The following CLSTN2 variants were observed in gnomAD, a reference collection of about 807,000 sequenced individuals.
CLSTN2 encodes calsyntenin-2.
A neutral mutation model predicts 101.2 loss-of-function variants in CLSTN2; 48 were observed. The observed-to-expected ratio is 0.47, with a 90% CI of 0.38 to 0.60. CLSTN2 has a LOEUF of 0.60. Among genes scored for constraint, CLSTN2 ranks in the 20% least tolerant of loss-of-function variants. The probability of loss-of-function intolerance (pLI) is 0.00; values close to 1 mark genes in which losing one functional copy is unlikely to be tolerated. For synonymous variants in CLSTN2, 481 were observed against 463.6 expected (o/e 1.04, Z -0.48); for missense variants, 1,160 against 1,238.2 (o/e 0.94, Z 0.95).
intron 2 of CLSTN2, among the ~76,000 whole-genome samples, chr3:140,286,600 C>T (rs1455900362): frequency 6.6e-6 from 1 of 152,228 alleles, no homozygotes; most frequent in East Asian, 1.9e-4. Flanking sequence ...TGCCTCCCTC[C>T]TCAGCCTTGG....
At chr3:140,180,763 ACT>A (rs2010396130) in intron 2 of CLSTN2, among the ~76,000 whole-genome samples, 3 of 151,898 alleles carry the variant, frequency 2.0e-5, no homozygotes, top group Admixed American at 1.3e-4. Context: ...AAGCTGGGTG[ACT>A]CTCTGAGGGC....
intron 2 of CLSTN2, among the ~76,000 whole-genome samples, chr3:140,274,686 C>T (rs1293573004): frequency 1.3e-5 from 2 of 152,034 alleles, no homozygotes; most frequent in Non-Finnish European, 2.9e-5. Context: ...TATCTCTCTA[C>T]AAGGAGGTAA....
At chr3:140,420,707 AAT>A (rs2088493754) in intron 4 of CLSTN2, among the ~76,000 whole-genome samples, 1 of 152,236 alleles carries the variant, frequency 6.6e-6, no homozygotes, top group African/African-American at 2.4e-5. Flanking sequence ...GATGTTAAAA[AAT>A]ATGTGTCAGG....
chr3:140,037,759 A>C (rs139187855), intron 1 of CLSTN2, among the ~76,000 whole-genome samples: 150 of 152,234 alleles, frequency 9.9e-4, no homozygotes, highest in African/African-American at 3.5e-3. Flanking sequence ...ATGAGTTCTC[A>C]TCATTCAGCT....
At chr3:140,291,672 G>C (rs1158415783) in intron 2 of CLSTN2, among the ~76,000 whole-genome samples, 1 of 151,344 alleles carries the variant, frequency 6.6e-6, no homozygotes, top group Admixed American at 6.6e-5. Context: ...CTCCAGTCCT[G>C]CGTATTCCCC....
chr3:140,512,356 C>T (rs56205320), intron 8 of CLSTN2, among the ~76,000 whole-genome samples: 15,441 of 152,162 alleles, frequency 0.1, 1,017 homozygotes, highest in Non-Finnish European at 0.15. Flanking sequence ...TCTCCCAGCA[C>T]GATTTATTAA....
At chr3:140,401,308 T>C (rs1199210355) in intron 2 of CLSTN2, among the ~76,000 whole-genome samples, 1 of 152,254 alleles carries the variant, frequency 6.6e-6, no homozygotes, top group Non-Finnish European at 1.5e-5. Flanking sequence ...CTGTCTTTTC[T>C]ATCAGGTAAG....
intron 1 of CLSTN2, among the ~76,000 whole-genome samples, chr3:139,992,491 T>A (rs1411007669): frequency 6.6e-6 from 1 of 152,146 alleles, no homozygotes; most frequent in African/African-American, 2.4e-5. Flanking sequence ...GTCAAAGCTC[T>A]CCTGCAGCAG....
chr3:140,516,456 C>CCCT (rs1934918357), intron 8 of CLSTN2, among the ~76,000 whole-genome samples: 2 of 150,678 alleles, frequency 1.3e-5, no homozygotes, highest in South Asian at 4.2e-4. Flanking sequence ...TAAGGATGTT[C>CCCT]TATTTTGGTT....
At chr3:140,464,909 G>T (rs1228129395) in intron 7 of CLSTN2, among the ~76,000 whole-genome samples, 2 of 152,136 alleles carry the variant, frequency 1.3e-5, no homozygotes, top group Non-Finnish European at 2.9e-5. Flanking sequence ...GCCATCCTTT[G>T]GTTATGTTCT....
chr3:140,370,285 C>T (rs1296408655), intron 2 of CLSTN2, among the ~76,000 whole-genome samples: 1 of 151,938 alleles, frequency 6.6e-6, no homozygotes. Context: ...GGTGCAGAAT[C>T]GCTGGTCCCA....
chr3:139,935,202 C>T lies in CLSTN2; in HGVS notation c.-173C>T, dbSNP rs1934997219. On this transcript the variant is annotated 5_prime_UTR_variant, in exon 1 of 17. Coordinates refer to ENST00000458420, the MANE Select transcript of CLSTN2 (RefSeq NM_022131.3). This position sits in a 1 kb window ranked among gnomAD's most constrained non-coding sequence, Gnocchi z 5.5. ...TCCGCGCCAGTGAGCGCGGCTGCTG[C>T]CGGCGAGCTAGCGGCGCAGCGGCGG... 3 of 334,054 alleles carry T rather than the reference C, an allele frequency of 9.0e-6. No individual in the cohort carries two copies. Among genetic ancestry groups the T allele is most frequent in the African/African-American group, 2.2e-5 (1 of 46,096 alleles). The allele number at this position is 334,054 out of a possible 1,614,324, so 20.7% of individuals were successfully genotyped here. A position where few individuals can be genotyped will look rare whatever the true frequency, so the allele number is the denominator to read the frequency against.
chr3:140,180,754 A>G (rs1478232253), intron 2 of CLSTN2, among the ~76,000 whole-genome samples: 1 of 152,216 alleles, frequency 6.6e-6, no homozygotes, highest in Non-Finnish European at 1.5e-5. Context: ...TGACTTCTCA[A>G]GCTGGGTGAC....
At chr3:140,199,945 C>A (rs1027189441) in intron 2 of CLSTN2, among the ~76,000 whole-genome samples, 6 of 152,144 alleles carry the variant, frequency 3.9e-5, no homozygotes, top group Non-Finnish European at 5.9e-5. Context: ...GGCACTGAAC[C>A]CAAACACTAT....
chr3:140,116,086 C>G (rs2009237724), intron 1 of CLSTN2, among the ~76,000 whole-genome samples: 1 of 152,154 alleles, frequency 6.6e-6, no homozygotes. Context: ...AGACTAACCT[C>G]TTTCTATTCC....
chr3:140,273,078 T>C (rs1214598500), intron 2 of CLSTN2, among the ~76,000 whole-genome samples: 2 of 152,182 alleles, frequency 1.3e-5, no homozygotes, highest in Admixed American at 6.5e-5. Context: ...GCAAACTTAC[T>C]AAAGAGTGAC....
intron 8 of CLSTN2, among the ~76,000 whole-genome samples, chr3:140,518,123 A>T (rs1435797493): frequency 2.6e-5 from 4 of 152,122 alleles, no homozygotes; most frequent in African/African-American, 9.7e-5. Flanking sequence ...CATGTAGCCC[A>T]AAAGGCCAGT....
intron 9 of CLSTN2, among the ~76,000 whole-genome samples, chr3:140,545,796 G>A (rs1935572672): frequency 6.6e-6 from 1 of 152,212 alleles, no homozygotes; most frequent in South Asian, 2.1e-4. Context: ...ACAGCCAGGA[G>A]AGAGTATGAC....
Position 140,132,241 on chromosome 3 carries a change from AT to A in CLSTN2, c.110-43706del, listed in dbSNP as rs1401455297. ...GAAATGCCTTCCTCTGATTTCTATG[AT>A]TTTACTGATAGCACTTAAATAATTA... On this transcript the variant is annotated intron_variant, in intron 1 of 16. Transcript: ENST00000458420. Among the ~76,000 whole-genome samples, 13 of 152,304 alleles carry A rather than the reference AT, an allele frequency of 8.5e-5. No homozygotes were observed. In the East Asian group the frequency reaches 2.5e-3, roughly 29 times the overall value.
Sources: gnomAD v4.1 joint callset for allele counts (sites outside exome capture counted in the v4.1 genomes callset) on GRCh38, gnomAD v4.1.1 for gene constraint, Gnocchi (gnomAD v3.1) non-coding constraint, MANE v1.5 for transcripts, NCBI Gene and HGNC (gene_info 2026-07-23, HGNC 2026-07-21) for gene names.